The following FHIT variants were observed in gnomAD, a reference collection of about 807,000 sequenced individuals.
FHIT encodes the protein bis(5'-adenosyl)-triphosphatase.
In FHIT, 19 loss-of-function variants were observed where a neutral mutation model predicts 17.9. The observed-to-expected ratio is 1.06, with a 90% CI of 0.74 to 1.56. FHIT has a LOEUF of 1.56. FHIT is among the 40% of genes most tolerant of loss of function. The pLI is 0.00. For missense variants in FHIT, 248 were observed against 189.2 expected (o/e 1.31, Z -1.82); for synonymous variants, 81 against 69.7 (o/e 1.16, Z -0.81).
At chr3:60,988,819 A>G (rs534336983) in intron 3 of FHIT, among the ~76,000 whole-genome samples, 1 of 152,120 alleles carries the variant, frequency 6.6e-6, no homozygotes, top group South Asian at 2.1e-4. Flanking sequence ...TGCTCTTTAT[A>G]GAACTGAGTA....
At chr3:59,902,903 T>C (rs552476424) in intron 8 of FHIT, among the ~76,000 whole-genome samples, 16 of 152,322 alleles carry the variant, frequency 1.1e-4, no homozygotes, top group African/African-American at 3.8e-4. Context: ...GATAATATAT[T>C]GTATACTTGA....
intron 4 of FHIT, among the ~76,000 whole-genome samples, chr3:60,561,672 G>C (rs1027640269): frequency 6.6e-6 from 1 of 152,116 alleles, no homozygotes; most frequent in South Asian, 2.1e-4. Context: ...CATTCAAATA[G>C]AAATGGGAGC....
chr3:60,567,088 T>G (rs2037164781), intron 4 of FHIT, among the ~76,000 whole-genome samples: 1 of 151,288 alleles, frequency 6.6e-6, no homozygotes, highest in Non-Finnish European at 1.5e-5. Context: ...ATGACTTTCT[T>G]CACAGAATTG....
intron 3 of FHIT, among the ~76,000 whole-genome samples, chr3:61,014,745 A>G (rs1349196677): frequency 7.5e-6 from 1 of 132,978 alleles, no homozygotes; most frequent in Non-Finnish European, 1.5e-5. Flanking sequence ...GCACCACTGC[A>G]CTCCAGCCTG....
chr3:60,823,553 C>T (rs983875111), intron 3 of FHIT, among the ~76,000 whole-genome samples: 2 of 152,098 alleles, frequency 1.3e-5, no homozygotes, highest in Admixed American at 1.3e-4. Flanking sequence ...TATGTAGCTG[C>T]AAGCCAAGGA....
chr3:60,441,922 G>A (rs1415554314), intron 5 of FHIT, among the ~76,000 whole-genome samples: 1 of 146,570 alleles, frequency 6.8e-6, no homozygotes, highest in African/African-American at 2.5e-5. Context: ...ACAGTGGCAT[G>A]ATCATGGCTC....
chr3:60,004,303 G>A (rs142123467), intron 7 of FHIT, among the ~76,000 whole-genome samples: 219 of 152,040 alleles, frequency 1.4e-3, no homozygotes, highest in African/African-American at 4.9e-3. Flanking sequence ...GCCACGTGTC[G>A]GCATTACAAA....
At chr3:60,790,850 A>G (rs372454848) in intron 4 of FHIT, among the ~76,000 whole-genome samples, 1 of 152,200 alleles carries the variant, frequency 6.6e-6, no homozygotes, top group East Asian at 1.9e-4. Context: ...ATTATAACAA[A>G]TGTGTCAATC....
At chr3:60,348,742 T>C (rs1348541022) in intron 5 of FHIT, among the ~76,000 whole-genome samples, 1 of 152,182 alleles carries the variant, frequency 6.6e-6, no homozygotes, top group Non-Finnish European at 1.5e-5. Context: ...TAACTTGACT[T>C]GGCCAATGTG....
At chr3:59,909,489 C>G (rs911693737) in intron 8 of FHIT, among the ~76,000 whole-genome samples, 1 of 152,154 alleles carries the variant, frequency 6.6e-6, no homozygotes, top group Non-Finnish European at 1.5e-5. Context: ...ACCACCACAC[C>G]TGGCTAATTT....
At chr3:60,462,200 T>C (rs889465139) in intron 5 of FHIT, among the ~76,000 whole-genome samples, 1 of 152,208 alleles carries the variant, frequency 6.6e-6, no homozygotes, top group African/African-American at 2.4e-5. Flanking sequence ...AGAGCTACCA[T>C]GCAGTAAGCC....
At chr3:60,555,011 G>C (rs1391526970) in intron 4 of FHIT, among the ~76,000 whole-genome samples, 1 of 152,196 alleles carries the variant, frequency 6.6e-6, no homozygotes, top group Non-Finnish European at 1.5e-5. Flanking sequence ...TTATTCACAA[G>C]ATAACTACAT....
In FHIT at chr3:60,147,022, C is replaced by A. The variant is rs1700272213; in HGVS notation, c.104-132870G>T. Reference sequence around the variant, plus strand: ...GTACATCTCCATTTTGACACGCAATCCTTTATTTTCCTTTCACTGAGGAAG... The same window carrying A: ...GTACATCTCCATTTTGACACGCAATACTTTATTTTCCTTTCACTGAGGAAG... On this transcript the variant is annotated intron_variant, in intron 5 of 9. Transcript: ENST00000492590. Among the ~76,000 whole-genome samples the A allele has an allele frequency of 1.3e-5, 2 of 152,132 alleles. 1 individual carries two copies. Among genetic ancestry groups the A allele is most frequent in the South Asian group, 4.1e-4 (2 of 4,828 alleles).
At chr3:59,776,141 G>T (rs1702302002) in intron 8 of FHIT, among the ~76,000 whole-genome samples, 1 of 152,242 alleles carries the variant, frequency 6.6e-6, no homozygotes, top group African/African-American at 2.4e-5. Context: ...CATCCTGGCA[G>T]CATGGGCTGG....
At chr3:60,982,753 T>A (rs113486720) in intron 3 of FHIT, among the ~76,000 whole-genome samples, 2 of 152,258 alleles carry the variant, frequency 1.3e-5, no homozygotes, top group African/African-American at 4.8e-5. Context: ...CTGCTTATTG[T>A]CTTTCCCTTC....
intron 5 of FHIT, among the ~76,000 whole-genome samples, chr3:60,028,620 CCAAAAA>C (rs1263398321): frequency 6.6e-6 from 1 of 151,996 alleles, no homozygotes; most frequent in East Asian, 1.9e-4. Flanking sequence ...ACACAAGTGA[CCAAAAA>C]CAAAAACAAA....
chr3:60,569,275 A>T (rs2037251455), intron 4 of FHIT, among the ~76,000 whole-genome samples: 1 of 152,114 alleles, frequency 6.6e-6, no homozygotes. Flanking sequence ...TTTCCTCTTT[A>T]ATTGTACTTC....
At chr3:60,308,487 G>GTGT (rs1559806977) in intron 5 of FHIT, among the ~76,000 whole-genome samples, 97 of 74,542 alleles carry the variant, frequency 1.3e-3, no homozygotes, top group South Asian at 2.0e-3. Context: ...TATAGGTATA[G>GTGT]GTGTATGTGT....
At position 61,183,342 on chromosome 3, in the gene FHIT, C is replaced by T. The variant is rs142360681; in HGVS notation, c.-164+17275G>A. 7.8e-4 allele frequency among the ~76,000 whole-genome samples: 83 copies of T among 106,652 alleles called. No individual in the cohort carries two copies. In the Middle Eastern group the frequency reaches 0.02, roughly 26 times the overall value. 70.0% of individuals were successfully genotyped at this position (106,652 alleles called of 152,430 possible). A position where few individuals can be genotyped will look rare whatever the true frequency, so the allele number is the denominator to read the frequency against. On this transcript the variant is annotated intron_variant, in intron 2 of 9. Transcript: ENST00000492590. ...AGTGAATGAATGAATGAAAACAGAT[C>T]AGCTTTGCAGAAAGAAGCACCTGCT...
Sources: gnomAD v4.1 joint callset for allele counts (sites outside exome capture counted in the v4.1 genomes callset) on GRCh38, gnomAD v4.1.1 for gene constraint, MANE v1.5 for transcripts, NCBI Gene and HGNC (gene_info 2026-07-23, HGNC 2026-07-21) for gene names.